The following NKAIN2 variants were observed in gnomAD, a reference collection of about 807,000 sequenced individuals.
NKAIN2 encodes sodium/potassium-transporting ATPase subunit beta-1-interacting protein 2.
In NKAIN2, 14 loss-of-function variants were observed where a neutral mutation model predicts 32.6. The ratio of observed to expected loss-of-function variants is 0.43; its 90% CI spans 0.28 to 0.67. The LOEUF is 0.67. Ranked by LOEUF, NKAIN2 falls within the 30% of genes least tolerant of loss-of-function variation. The probability of loss-of-function intolerance (pLI) is 0.17; values close to 1 mark genes in which losing one functional copy is unlikely to be tolerated. For missense variants in NKAIN2, 198 were observed against 258.3 expected (o/e 0.77, Z 1.60); for synonymous variants, 80 against 87.2 (o/e 0.92, Z 0.46).
At chr6:124,347,152 G>C (rs910751822) in intron 2 of NKAIN2, among the ~76,000 whole-genome samples, 10 of 152,176 alleles carry the variant, frequency 6.6e-5, no homozygotes, top group Non-Finnish European at 1.0e-4. Flanking sequence ...TAAGAATGTT[G>C]AATATTGGCC....
At chr6:123,857,286 A>G (rs981079946) in intron 1 of NKAIN2, among the ~76,000 whole-genome samples, 8 of 150,622 alleles carry the variant, frequency 5.3e-5, no homozygotes, top group African/African-American at 1.5e-4. Flanking sequence ...TGCATATGTG[A>G]TGATTATTGG....
At chr6:124,319,118 C>T (rs1490820740) in intron 2 of NKAIN2, among the ~76,000 whole-genome samples, 2 of 151,852 alleles carry the variant, frequency 1.3e-5, no homozygotes, top group African/African-American at 4.8e-5. Context: ...TCCTACCAGT[C>T]CCTAGAAGGA....
At chr6:123,910,185 A>G (rs2114449991) in intron 1 of NKAIN2, among the ~76,000 whole-genome samples, 1 of 152,244 alleles carries the variant, frequency 6.6e-6, no homozygotes, top group African/African-American at 2.4e-5. Flanking sequence ...TTCCTGCTCT[A>G]CCTGCTCTAA....
intron 1 of NKAIN2, among the ~76,000 whole-genome samples, chr6:123,988,609 C>T (rs1231887563): frequency 1.3e-5 from 2 of 152,192 alleles, no homozygotes; most frequent in African/African-American, 2.4e-5. Context: ...TTCCCTGTAC[C>T]TCTTAAAGAC....
intron 1 of NKAIN2, among the ~76,000 whole-genome samples, chr6:124,077,421 A>G (rs1783743015): frequency 6.6e-6 from 1 of 152,144 alleles, no homozygotes; most frequent in African/African-American, 2.4e-5. Context: ...TAGAAATGTG[A>G]ATTAGCTCAG....
At chr6:124,750,740 G>T (rs1022511796) in intron 4 of NKAIN2, among the ~76,000 whole-genome samples, 4 of 151,884 alleles carry the variant, frequency 2.6e-5, no homozygotes, top group African/African-American at 4.8e-5. Context: ...TTCCTAAAAG[G>T]TTGTGTCTTT....
chr6:124,725,925 C>T (rs369568504), intron 4 of NKAIN2, among the ~76,000 whole-genome samples: 13 of 152,312 alleles, frequency 8.5e-5, no homozygotes, highest in Non-Finnish European at 1.2e-4. Context: ...GTTCCCTTTC[C>T]GAGTCAAAGA....
At chr6:124,578,708 A>G (rs1423446549) in intron 3 of NKAIN2, among the ~76,000 whole-genome samples, 3 of 151,660 alleles carry the variant, frequency 2.0e-5, no homozygotes, top group Non-Finnish European at 2.9e-5. Context: ...ATAGAACCCT[A>G]GGGCCTTGAG....
intron 1 of NKAIN2, among the ~76,000 whole-genome samples, chr6:123,915,296 C>T (rs1230383335): frequency 6.6e-6 from 1 of 152,098 alleles, no homozygotes; most frequent in Admixed American, 6.6e-5. Context: ...GGATATTTTT[C>T]CAGTCCTGGA....
At chr6:124,234,812 A>G (rs1582896785) in intron 1 of NKAIN2, among the ~76,000 whole-genome samples, 1 of 152,326 alleles carries the variant, frequency 6.6e-6, no homozygotes, top group East Asian at 1.9e-4. Context: ...AAAAAGTTGT[A>G]TCGATACTTT....
At chr6:124,652,352 T>A (rs1467784698) in intron 3 of NKAIN2, among the ~76,000 whole-genome samples, 1 of 152,254 alleles carries the variant, frequency 6.6e-6, no homozygotes, top group African/African-American at 2.4e-5. Flanking sequence ...AGACTTTCCC[T>A]GTAGCTCTCC....
At position 124,087,710 on chromosome 6, in the gene NKAIN2, C is replaced by T. The variant is rs75575480; in HGVS notation, c.55-195295C>T. Reference sequence around the variant, plus strand: ...TATTAAAAAGGAGAAAATTCAATTGCGTATGTAATAGTAGGGAAAAAGTAC... The same window carrying T: ...TATTAAAAAGGAGAAAATTCAATTGTGTATGTAATAGTAGGGAAAAAGTAC... On this transcript the variant is annotated intron_variant, in intron 1 of 6. Coordinates refer to ENST00000368417, the MANE Select transcript of NKAIN2 (RefSeq NM_001040214.3). Among the ~76,000 whole-genome samples, 875 of 151,938 alleles carry T rather than the reference C, an allele frequency of 5.8e-3. 6 individuals are homozygous for T. Among genetic ancestry groups the T allele is most frequent in the African/African-American group, 0.02 (839 of 41,468 alleles).
At chr6:124,370,284 G>T (rs546338142) in intron 3 of NKAIN2, among the ~76,000 whole-genome samples, 1 of 151,478 alleles carries the variant, frequency 6.6e-6, no homozygotes, top group Admixed American at 6.6e-5. Flanking sequence ...AAGTTTCAGC[G>T]TAGCACTTAG....
At chr6:124,184,098 A>G (rs1789589488) in intron 1 of NKAIN2, among the ~76,000 whole-genome samples, 1 of 152,174 alleles carries the variant, frequency 6.6e-6, no homozygotes, top group Non-Finnish European at 1.5e-5. Flanking sequence ...TTTAATGTTC[A>G]AATTATGCAA....
At chr6:124,045,464 T>C (rs1782075729) in intron 1 of NKAIN2, among the ~76,000 whole-genome samples, 1 of 152,056 alleles carries the variant, frequency 6.6e-6, no homozygotes, top group Admixed American at 6.6e-5. Context: ...CCAATTAATA[T>C]TAAACACATT....
At chr6:124,344,156 A>G in intron 2 of NKAIN2, among the ~76,000 whole-genome samples, 1 of 152,024 alleles carries the variant, frequency 6.6e-6, no homozygotes, top group Non-Finnish European at 1.5e-5. Flanking sequence ...ATGCAGCATT[A>G]TTTCTGAGGG....
chr6:124,609,960 G>T (rs1782632576), intron 3 of NKAIN2, among the ~76,000 whole-genome samples: 1 of 152,032 alleles, frequency 6.6e-6, no homozygotes, highest in South Asian at 2.1e-4. Context: ...ATGTTTAAAT[G>T]AATTAGTAAA....
chr6:124,050,984 T>C (rs1779357322), intron 1 of NKAIN2, among the ~76,000 whole-genome samples: 1 of 152,220 alleles, frequency 6.6e-6, no homozygotes, highest in Non-Finnish European at 1.5e-5. Flanking sequence ...CAAAACTAGC[T>C]TGAATATCAA....
chr6:123,976,265 G>T (rs370564148), intron 1 of NKAIN2, among the ~76,000 whole-genome samples: 1 of 74,684 alleles, frequency 1.3e-5, no homozygotes, highest in African/African-American at 4.3e-5. Flanking sequence ...ATATATATAT[G>T]TTTCCATATA....
Sources: gnomAD v4.1 joint callset for allele counts (sites outside exome capture counted in the v4.1 genomes callset) on GRCh38, gnomAD v4.1.1 for gene constraint, MANE v1.5 for transcripts, NCBI Gene and HGNC (gene_info 2026-07-23, HGNC 2026-07-21) for gene names.